TMEM132D: variants seen among roughly 807,000 people sequenced by gnomAD.
TMEM132D encodes transmembrane protein 132D.
A neutral mutation model predicts 62.3 loss-of-function variants in TMEM132D; 21 were observed. That is an observed-to-expected ratio of 0.34 (90% CI 0.24 to 0.49). TMEM132D has a LOEUF of 0.49. Ranked by LOEUF, TMEM132D falls within the 20% of genes least tolerant of loss-of-function variation. The pLI, the probability that TMEM132D is intolerant of heterozygous loss-of-function variation, is 0.99. For synonymous variants in TMEM132D, 621 were observed against 575.6 expected (o/e 1.08, Z -1.13); for missense variants, 1,346 against 1,402.8 (o/e 0.96, Z 0.65).
chr12:129,809,718 T>C (rs1872111755), intron 1 of TMEM132D, among the ~76,000 whole-genome samples: 1 of 152,290 alleles, frequency 6.6e-6, no homozygotes, highest in East Asian at 1.9e-4. Context: ...TTAAAAAGTC[T>C]AATAATAAAA....
intron 4 of TMEM132D, 48 bp downstream of exon 4, chr12:129,337,586 C>G (rs377074745): frequency 2.5e-6 from 4 of 1,607,224 alleles, no homozygotes; most frequent in Non-Finnish European, 3.4e-6. Flanking sequence ...CCGGCGCCTT[C>G]CCCTCCCCCG....
At chr12:129,847,225 A>G (rs1198622008) in intron 1 of TMEM132D, among the ~76,000 whole-genome samples, 1 of 152,130 alleles carries the variant, frequency 6.6e-6, no homozygotes, top group Non-Finnish European at 1.5e-5. Flanking sequence ...TGACTGGCCC[A>G]TCTTCCTGGG....
intron 3 of TMEM132D, among the ~76,000 whole-genome samples, chr12:129,495,753 T>C (rs1874935150): frequency 6.6e-6 from 1 of 152,074 alleles, no homozygotes; most frequent in Admixed American, 6.5e-5. Flanking sequence ...ACAGGGGTAG[T>C]GATGGGCTCT....
At chr12:129,747,199 C>CCCTCCTCCCTCTT (rs1869819589) in intron 1 of TMEM132D, among the ~76,000 whole-genome samples, 1 of 86,688 alleles carries the variant, frequency 1.2e-5, no homozygotes, top group East Asian at 3.3e-4. Context: ...TCCTCCCTCT[C>CCCTCCTCCCTCTT]CTTCTTACTC....
chr12:129,103,351 T>C (rs915159206), intron 5 of TMEM132D, among the ~76,000 whole-genome samples: 20 of 152,170 alleles, frequency 1.3e-4, no homozygotes, highest in African/African-American at 4.3e-4. Context: ...ACCAGGCTCA[T>C]TTCACTCCCT....
chr12:129,089,080 A>G lies in TMEM132D; in HGVS notation c.1444-4378T>C, dbSNP rs1474839648. Among the ~76,000 whole-genome samples, 5 of 25,840 alleles carry G rather than the reference A, an allele frequency of 1.9e-4. 1 individual carries two copies. The highest frequency in any genetic ancestry group is 1.2e-3 in the African/African-American group (3 of 2,478). The allele number at this position is 25,840 out of a possible 152,430, so 17.0% of individuals were successfully genotyped here. ...GACCGGGGTGTCCTCTATGACCGGG[A>G]TGTCCTCCATGACCGGGGTGTCCTC... On this transcript the variant is annotated intron_variant, in intron 5 of 8. Coordinates refer to ENST00000422113, the MANE Select transcript of TMEM132D (RefSeq NM_133448.3).
chr12:129,739,655 G>C (rs1359229886), intron 1 of TMEM132D, among the ~76,000 whole-genome samples: 1 of 152,128 alleles, frequency 6.6e-6, no homozygotes, highest in Non-Finnish European at 1.5e-5. Flanking sequence ...TGAATGAGAT[G>C]GATATTCTGT....
At chr12:129,486,207 C>A (rs1205514809) in intron 3 of TMEM132D, among the ~76,000 whole-genome samples, 1 of 152,242 alleles carries the variant, frequency 6.6e-6, no homozygotes, top group Non-Finnish European at 1.5e-5. Flanking sequence ...GAAGCTACAG[C>A]TGCCCGCTGC....
At chr12:129,672,498 AC>A (rs1420723383) in intron 2 of TMEM132D, among the ~76,000 whole-genome samples, 1 of 152,154 alleles carries the variant, frequency 6.6e-6, no homozygotes, top group Admixed American at 6.5e-5. Flanking sequence ...AGTGTTCCGT[AC>A]CTTGACCCAA....
intron 3 of TMEM132D, among the ~76,000 whole-genome samples, chr12:129,456,224 G>A (rs1873460482): frequency 6.6e-6 from 1 of 152,148 alleles, no homozygotes. Context: ...GATAACTTTA[G>A]TGGTCCTTTC....
chr12:129,677,267 T>C (rs1880653306), intron 2 of TMEM132D, among the ~76,000 whole-genome samples: 1 of 152,148 alleles, frequency 6.6e-6, no homozygotes, highest in Admixed American at 6.5e-5. Flanking sequence ...TCTCACGAGA[T>C]CTGATGGTTT....
chr12:129,602,059 T>A (rs989034856), intron 2 of TMEM132D, among the ~76,000 whole-genome samples: 1 of 152,324 alleles, frequency 6.6e-6, no homozygotes, highest in Non-Finnish European at 1.5e-5. Context: ...GATTTATTTG[T>A]CTTTCTCATT....
At chr12:129,485,309 C>A (rs564690614) in intron 3 of TMEM132D, among the ~76,000 whole-genome samples, 23 of 152,238 alleles carry the variant, frequency 1.5e-4, no homozygotes, top group Admixed American at 1.4e-3. Context: ...GAAGGTGGCT[C>A]CAGGAGGCAT....
chr12:129,222,721 A>G (rs11613323), intron 4 of TMEM132D, among the ~76,000 whole-genome samples: 48,290 of 152,024 alleles, frequency 0.32, 8,044 homozygotes, highest in Middle Eastern at 0.43. Context: ...AGAAATGGTG[A>G]GTAGAAGGGT....
At chr12:129,121,996 C>T (rs915995375) in intron 5 of TMEM132D, among the ~76,000 whole-genome samples, 2 of 152,148 alleles carry the variant, frequency 1.3e-5, no homozygotes, top group Non-Finnish European at 2.9e-5. Flanking sequence ...ATGGCAGGCT[C>T]ATGGAAGCCC....
intron 2 of TMEM132D, among the ~76,000 whole-genome samples, chr12:129,587,062 T>C (rs987059712): frequency 1.3e-5 from 2 of 152,302 alleles, no homozygotes; most frequent in African/African-American, 4.8e-5. Flanking sequence ...AAAAATAGCA[T>C]GTGCATAGCA....
intron 1 of TMEM132D, among the ~76,000 whole-genome samples, chr12:129,826,890 C>T: frequency 6.6e-6 from 1 of 152,182 alleles, no homozygotes; most frequent in African/African-American, 2.4e-5. Flanking sequence ...CAAAACTCTG[C>T]TTTGACCTAG....
At chr12:129,675,499 C>T (rs189204559) in intron 2 of TMEM132D, among the ~76,000 whole-genome samples, 1 of 152,214 alleles carries the variant, frequency 6.6e-6, no homozygotes, top group East Asian at 1.9e-4. Flanking sequence ...ATGTAACAAA[C>T]CGGCACATTC....
chr12:129,213,446 G>A (rs376896039), intron 4 of TMEM132D, among the ~76,000 whole-genome samples: 4 of 152,246 alleles, frequency 2.6e-5, no homozygotes, highest in Admixed American at 6.5e-5. Flanking sequence ...GCAGTGAGTC[G>A]TGATTGTGCG....
Sources: allele counts gnomAD v4.1 joint callset (sites outside exome capture counted in the v4.1 genomes callset), GRCh38; gene constraint gnomAD v4.1.1; transcripts MANE v1.5; gene names NCBI Gene and HGNC (gene_info 2026-07-23, HGNC 2026-07-21).